The following ZNF827 variants were observed in gnomAD, a reference collection of about 807,000 sequenced individuals.
ZNF827 encodes the protein zinc finger protein 827.
In ZNF827, 13 loss-of-function variants were observed where a neutral mutation model predicts 102.4. The observed-to-expected ratio is 0.13, with a 90% CI of 0.08 to 0.20. The LOEUF is 0.20. Ranked by LOEUF, ZNF827 falls within the 10% of genes least tolerant of loss-of-function variation. The pLI is 1.00. For synonymous variants in ZNF827, 523 were observed against 536.2 expected, an observed-to-expected ratio of 0.98 and a Z score of 0.34; for missense variants, 1,103 against 1,344.4, an observed-to-expected ratio of 0.82 and a Z score of 2.81.
At chr4:145,820,772 C>A (rs1743064956) in intron 8 of ZNF827, among the ~76,000 whole-genome samples, 2 of 152,180 alleles carry the variant, frequency 1.3e-5, no homozygotes, top group Admixed American at 6.5e-5. Flanking sequence ...CATTTGCCCC[C>A]AATCCTCTCC....
intron 2 of ZNF827, among the ~76,000 whole-genome samples, chr4:145,895,138 G>T (rs1447085610): frequency 6.6e-6 from 1 of 152,146 alleles, no homozygotes; most frequent in Non-Finnish European, 1.5e-5. Context: ...GTCTGGAAGA[G>T]GAGAGAAAAA....
intron 1 of ZNF827, among the ~76,000 whole-genome samples, chr4:145,914,305 C>T (rs945760358): frequency 2.6e-5 from 4 of 152,164 alleles, no homozygotes; most frequent in Middle Eastern, 3.2e-3. Context: ...ACAAAAGCTG[C>T]AAGGAGGCAG....
chr4:145,918,853 CCT>C (rs1354692290), intron 1 of ZNF827, among the ~76,000 whole-genome samples: 1 of 152,220 alleles, frequency 6.6e-6, no homozygotes, highest in Non-Finnish European at 1.5e-5. Flanking sequence ...TTTTAGATGA[CCT>C]CAGGGATCCT....
At chr4:145,842,667 T>C (rs1315264862) in intron 7 of ZNF827, among the ~76,000 whole-genome samples, 2 of 152,148 alleles carry the variant, frequency 1.3e-5, no homozygotes, top group East Asian at 1.9e-4. Flanking sequence ...GATCAGGAGA[T>C]GGCAAGGAGT....
chr4:145,887,058 T>A (rs960989671), intron 3 of ZNF827, among the ~76,000 whole-genome samples: 1 of 152,260 alleles, frequency 6.6e-6, no homozygotes, highest in African/African-American at 2.4e-5. Flanking sequence ...CAATGCACTT[T>A]AGTGCTGACC....
intron 7 of ZNF827, among the ~76,000 whole-genome samples, chr4:145,827,913 T>C (rs747580523): frequency 2.0e-5 from 3 of 152,232 alleles, no homozygotes; most frequent in Non-Finnish European, 4.4e-5. Context: ...CCTGTGCCAG[T>C]GACCGTAAAG....
At chr4:145,839,247 C>A (rs62345824) in intron 7 of ZNF827, 6,944 of 152,192 alleles carry the variant, frequency 0.046, 198 homozygotes, top group Non-Finnish European at 0.052. Context: ...CTGTGGAGCC[C>A]GGAAACTTCT....
At chr4:145,785,197 C>T (rs1338990078) in intron 8 of ZNF827, among the ~76,000 whole-genome samples, 1 of 152,154 alleles carries the variant, frequency 6.6e-6, no homozygotes, top group South Asian at 2.1e-4. Flanking sequence ...GCTTTCAGCT[C>T]CTCCTGTTAA....
intron 4 of ZNF827, chr4:145,876,880 T>C (rs1407683625): frequency 1.3e-5 from 2 of 152,204 alleles, no homozygotes; most frequent in Non-Finnish European, 1.5e-5. Flanking sequence ...AGACAAGTTG[T>C]TAAAAATCTG....
At chr4:145,767,928 TAATA>T (rs1193703350) in intron 11 of ZNF827, among the ~76,000 whole-genome samples, 1 of 152,156 alleles carries the variant, frequency 6.6e-6, no homozygotes, top group Non-Finnish European at 1.5e-5. Context: ...AGGCTGGAAA[TAATA>T]AATACATGGA....
intron 8 of ZNF827, among the ~76,000 whole-genome samples, chr4:145,795,559 T>G (rs552431482): frequency 2.0e-5 from 3 of 152,342 alleles, no homozygotes; most frequent in Non-Finnish European, 4.4e-5. Context: ...TAACATAATC[T>G]AATATCCCAA....
intron 7 of ZNF827, among the ~76,000 whole-genome samples, chr4:145,826,321 A>G (rs1743677128): frequency 6.6e-6 from 1 of 152,236 alleles, no homozygotes. Flanking sequence ...GTTTCATGTT[A>G]AAGTTCTCAG....
chr4:145,878,547 A>G (rs1290966678), intron 4 of ZNF827, among the ~76,000 whole-genome samples: 1 of 150,724 alleles, frequency 6.6e-6, no homozygotes, highest in Non-Finnish European at 1.5e-5. Context: ...ATCTCGAAAG[A>G]AAAAAAAGAC....
chr4:145,762,578 G>T lies in ZNF827; in HGVS notation c.*17+512C>A, dbSNP rs772370697. ...CAATTTAGGTAGATTCTGGAAGGGC[G>T]GATGCTGGTCCCAGCTCCATCACCT... On this transcript the variant is annotated intron_variant, in intron 14 of 14. Coordinates refer to ENST00000508784, the MANE Select transcript of ZNF827 (RefSeq NM_001306215.2). The surrounding 1 kb of genome is among the most constrained non-coding windows in gnomAD (Gnocchi z 4.9). 6.6e-6 allele frequency among the ~76,000 whole-genome samples: 1 copy of T among 152,088 alleles called. No individual in the cohort carries two copies. The highest frequency in any genetic ancestry group is 1.5e-5 in the Non-Finnish European group (1 of 68,014).
chr4:145,929,923 G>A (rs533439968), intron 1 of ZNF827, among the ~76,000 whole-genome samples: 1 of 152,334 alleles, frequency 6.6e-6, no homozygotes, highest in South Asian at 2.1e-4. Context: ...GGACAGGGAA[G>A]ATAAGCAATT....
intron 1 of ZNF827, among the ~76,000 whole-genome samples, chr4:145,923,636 G>A (rs1227875883): frequency 6.6e-6 from 1 of 151,982 alleles, no homozygotes; most frequent in African/African-American, 2.4e-5. Context: ...GCAGATAGGA[G>A]ACTCTCGTTG....
intron 2 of ZNF827, among the ~76,000 whole-genome samples, chr4:145,898,146 C>T (rs964238537): frequency 1.3e-5 from 2 of 152,156 alleles, no homozygotes; most frequent in Non-Finnish European, 2.9e-5. Context: ...TAGAGCCAGA[C>T]GCTGTCACAA....
intron 5 of ZNF827, among the ~76,000 whole-genome samples, chr4:145,851,682 T>C (rs922391367): frequency 6.6e-6 from 1 of 152,172 alleles, no homozygotes; most frequent in Non-Finnish European, 1.5e-5. Flanking sequence ...GTGTGGTATT[T>C]ACTTTAGATC....
intron 8 of ZNF827, among the ~76,000 whole-genome samples, chr4:145,818,354 C>A (rs963204324): frequency 1.3e-5 from 2 of 152,246 alleles, no homozygotes; most frequent in Non-Finnish European, 2.9e-5. Flanking sequence ...TCTCTCTACA[C>A]CTCCAGGTAG....
Sources: allele counts gnomAD v4.1 joint callset (sites outside exome capture counted in the v4.1 genomes callset), GRCh38; gene constraint gnomAD v4.1.1; non-coding constraint Gnocchi (gnomAD v3.1); transcripts MANE v1.5; gene names NCBI Gene and HGNC (gene_info 2026-07-23, HGNC 2026-07-21).